Variants in MAGI3 observed in about 807,000 individuals in gnomAD.
The protein encoded by MAGI3 is membrane associated guanylate kinase, WW and PDZ domain containing 3.
In MAGI3, 43 loss-of-function variants were observed where a neutral mutation model predicts 121.8. The observed-to-expected ratio is 0.35, with a 90% CI of 0.28 to 0.46. MAGI3 has a LOEUF of 0.46. Ranked by LOEUF, MAGI3 falls within the 20% of genes least tolerant of loss-of-function variation. The pLI, the probability that MAGI3 is intolerant of heterozygous loss-of-function variation, is 1.00. For synonymous variants in MAGI3, 553 were observed against 639.3 expected, an observed-to-expected ratio of 0.86 and a Z score of 2.04; for missense variants, 1,547 against 1,797.3, an observed-to-expected ratio of 0.86 and a Z score of 2.52.
chr1:113,394,863 A>C (rs1651008141), intron 1 of MAGI3, among the ~76,000 whole-genome samples: 1 of 152,144 alleles, frequency 6.6e-6, no homozygotes, highest in East Asian at 1.9e-4. Context: ...ATAAAAACCA[A>C]GTTGAAACAG....
chr1:113,604,647 G>A (rs1332664729), intron 6 of MAGI3, among the ~76,000 whole-genome samples: 2 of 146,494 alleles, frequency 1.4e-5, no homozygotes, highest in Non-Finnish European at 3.0e-5. Flanking sequence ...ACCCAGCCAT[G>A]AAAAAGAATG....
rs548926522 is a variant in MAGI3, at chr1:113,449,956, A to C, written c.316+58607A>C. 3.9e-6 allele frequency: 6 copies of C among 1,547,232 alleles called. No homozygotes were observed. The African/African-American group carries it at 8.1e-5, about 21-fold the overall frequency. The stretch of plus-strand genomic sequence containing the variant: ...GTTGATGGGCGTGTAGTGGAACCAA[A>C]GACAGCTGTTTCTAGAGAGGATTCT... On this transcript the variant is annotated intron_variant, in intron 1 of 20. Coordinates refer to ENST00000307546, the MANE Select transcript of MAGI3 (RefSeq NM_001142782.2).
chr1:113,637,929 C>G (rs2101814713), intron 9 of MAGI3, among the ~76,000 whole-genome samples: 1 of 152,172 alleles, frequency 6.6e-6, no homozygotes, highest in South Asian at 2.1e-4. Flanking sequence ...TTGTTCATTT[C>G]TTTTTATTCT....
chr1:113,467,239 G>A (rs1205204180), intron 1 of MAGI3, among the ~76,000 whole-genome samples: 1 of 151,950 alleles, frequency 6.6e-6, no homozygotes, highest in Non-Finnish European at 1.5e-5. Context: ...ATTTCCATGT[G>A]TTTGTGCAGT....
chr1:113,462,883 G>T (rs1024814081), intron 1 of MAGI3, among the ~76,000 whole-genome samples: 4 of 152,038 alleles, frequency 2.6e-5, no homozygotes, highest in Non-Finnish European at 5.9e-5. Context: ...CAGGATGATG[G>T]ATTACCGAAA....
intron 1 of MAGI3, among the ~76,000 whole-genome samples, chr1:113,415,996 A>AT (rs1652283749): frequency 1.2e-5 from 1 of 86,008 alleles, no homozygotes; most frequent in African/African-American, 3.5e-5. Flanking sequence ...TTAATTATAT[A>AT]ATTAATTACA....
At chr1:113,573,812 A>G (rs1429522337) in intron 2 of MAGI3, among the ~76,000 whole-genome samples, 2 of 152,096 alleles carry the variant, frequency 1.3e-5, no homozygotes, top group Non-Finnish European at 2.9e-5. Flanking sequence ...TCCCACTATT[A>G]TTGTGTGGGA....
chr1:113,659,384 G>A (rs554465386), intron 16 of MAGI3, 119 bp downstream of exon 16: 131 of 841,506 alleles, frequency 1.6e-4, no homozygotes, highest in South Asian at 5.2e-4. Flanking sequence ...GTGTATGCAC[G>A]CTGGAGTCTT....
At chr1:113,450,637 AG>A in intron 1 of MAGI3, 1 of 1,022,398 alleles carries the variant, frequency 9.8e-7, no homozygotes, top group Non-Finnish European at 1.5e-6. Context: ...GACCCGTGAA[AG>A]GGGACAGTTC....
chr1:113,585,268 C>A lies in MAGI3; in HGVS notation c.554-119C>A, dbSNP rs1049105158. On this transcript the variant is annotated intron_variant, in intron 3 of 20. Transcript: ENST00000307546. ...CAAGTGTGAGCCACCATGCCCACCCCTATGGTAGATATTTCAAAACTTCTT... is the reference window on the plus strand; with the variant it reads ...CAAGTGTGAGCCACCATGCCCACCCATATGGTAGATATTTCAAAACTTCTT... The A allele has an allele frequency of 4.5e-6, 4 of 884,062 alleles. No individual in the cohort carries two copies. The African/African-American group carries it at 6.8e-5, about 15-fold the overall frequency. 54.8% of individuals were successfully genotyped at this position (884,062 alleles called of 1,614,324 possible). A position where few individuals can be genotyped will look rare whatever the true frequency, so the allele number is the denominator to read the frequency against.
chr1:113,427,532 A>T (rs1349214103), intron 1 of MAGI3, among the ~76,000 whole-genome samples: 1 of 152,118 alleles, frequency 6.6e-6, no homozygotes, highest in African/African-American at 2.4e-5. Context: ...TCTGTACCAA[A>T]TTGGGGGTTG....
intron 1 of MAGI3, among the ~76,000 whole-genome samples, chr1:113,409,855 A>G (rs1651885461): frequency 6.6e-6 from 1 of 152,150 alleles, no homozygotes; most frequent in Non-Finnish European, 1.5e-5. Context: ...GTGAGGAATT[A>G]TCACTGCTAA....
chr1:113,604,565 C>CAAAAA (rs59047770), intron 6 of MAGI3, among the ~76,000 whole-genome samples: 95 of 62,006 alleles, frequency 1.5e-3, no homozygotes, highest in East Asian at 7.2e-3. Context: ...GTCTCCATCT[C>CAAAAA]AAAAAAAAAA....
chr1:113,623,791 T>G (rs1651035077), intron 9 of MAGI3, among the ~76,000 whole-genome samples: 1 of 151,632 alleles, frequency 6.6e-6, no homozygotes, highest in Admixed American at 6.6e-5. Flanking sequence ...ACCCGGCCTT[T>G]CTAGCTATAT....
intron 1 of MAGI3, among the ~76,000 whole-genome samples, chr1:113,449,239 C>T (rs570433577): frequency 6.6e-6 from 1 of 151,980 alleles, no homozygotes; most frequent in East Asian, 1.9e-4. Context: ...AGTTGCTGAT[C>T]GTAATTGATG....
chr1:113,455,502 C>T (rs1158534349), intron 1 of MAGI3, among the ~76,000 whole-genome samples: 7 of 152,076 alleles, frequency 4.6e-5, no homozygotes, highest in Admixed American at 4.6e-4. Flanking sequence ...TTCTTGCCAT[C>T]CAGGCCTTGC....
chr1:113,530,555 C>T (rs140225166), intron 1 of MAGI3, among the ~76,000 whole-genome samples: 1 of 151,488 alleles, frequency 6.6e-6, no homozygotes, highest in Admixed American at 6.6e-5. Context: ...ATGACACGCA[C>T]TTATATAACA....
rs1261047628 is a variant in MAGI3 at position 113,685,567 on chromosome 1, G to T, written c.*1553G>T. 6.6e-6 allele frequency: 1 copy of T among 152,248 alleles called. No individual in the cohort carries two copies. The highest frequency in any genetic ancestry group is 6.5e-5 in the Admixed American group (1 of 15,272). The allele number at this position is 152,248 out of a possible 1,614,324, so 9.4% of individuals were successfully genotyped here. On this transcript the variant is annotated 3_prime_UTR_variant, in exon 21 of 21. Transcript: ENST00000307546. Reference sequence around the variant, plus strand: ...CCAGAACTATATTTACCCACCTATTGTAACTATTCAAATAGAGCAAAATTA... The same window carrying T: ...CCAGAACTATATTTACCCACCTATTTTAACTATTCAAATAGAGCAAAATTA...
chr1:113,412,582 G>A (rs980697134), intron 1 of MAGI3, among the ~76,000 whole-genome samples: 1 of 152,112 alleles, frequency 6.6e-6, no homozygotes, highest in Non-Finnish European at 1.5e-5. Flanking sequence ...GCATGAGATG[G>A]TATCTCATTC....
Sources: allele counts gnomAD v4.1 joint callset (sites outside exome capture counted in the v4.1 genomes callset), GRCh38; gene constraint gnomAD v4.1.1; transcripts MANE v1.5; gene names NCBI Gene and HGNC (gene_info 2026-07-23, HGNC 2026-07-21).